The following DEFB124 variants were observed in gnomAD, a reference collection of about 807,000 sequenced individuals.
DEFB124 encodes the protein beta-defensin 124.
For missense variants in DEFB124, 78 were observed against 83.1 expected (o/e 0.94, Z 0.24); for synonymous variants, 38 against 36.5 (o/e 1.04, Z -0.15).
At chr20:31,467,744 C>A (rs949620678) in intron 2 of DEFB124, among the ~76,000 whole-genome samples, 1 of 151,938 alleles carries the variant, frequency 6.6e-6, no homozygotes, top group Non-Finnish European at 1.5e-5. Context: ...CAGGTGAGGA[C>A]ACTTTCTATA....
At chr20:31,473,149 G>T in intron 1 of DEFB124, 111 bp from the exon 2 acceptor site, 1 of 910,006 alleles carries the variant, frequency 1.1e-6, no homozygotes, top group East Asian at 2.5e-5. Flanking sequence ...GGCCTAAGTG[G>T]GAGTATGAGG....
At chr20:31,468,796 T>C (rs1980148852) in intron 2 of DEFB124, among the ~76,000 whole-genome samples, 1 of 152,058 alleles carries the variant, frequency 6.6e-6, no homozygotes, top group African/African-American at 2.4e-5. Context: ...TACTATTTAT[T>C]TCTTATTTCT....
At chr20:31,469,452 A>G (rs1383815399) in intron 2 of DEFB124, among the ~76,000 whole-genome samples, 4 of 150,938 alleles carry the variant, frequency 2.7e-5, no homozygotes, top group Admixed American at 2.6e-4. Flanking sequence ...TTTTTTTTTT[A>G]ATTTTTATTT....
chr20:31,465,703 G>T, intron 2 of DEFB124, 40 bp from the exon 3 acceptor site: 1 of 1,606,596 alleles, frequency 6.2e-7, no homozygotes, highest in East Asian at 2.2e-5. Flanking sequence ...GCAGCCCATG[G>T]GTCACACGTT....
In DEFB124 at chr20:31,467,719, C is replaced by T. The variant is rs187457125; in HGVS notation, c.59-2056G>A. Among the ~76,000 whole-genome samples the T allele has an allele frequency of 3.9e-5, 6 of 152,148 alleles. No individual in the cohort carries two copies. The East Asian group carries it at 5.8e-4, about 15-fold the overall frequency. On this transcript the variant is annotated intron_variant, in intron 2 of 2. Coordinates refer to ENST00000317676, the MANE Select transcript of DEFB124 (RefSeq NM_001037500.2). ...AAGTGGTGGGTCTGGAACCGGAACC[C>T]GAGACCCTAGCTCCCAGGTGAGGAC...
intron 2 of DEFB124, among the ~76,000 whole-genome samples, chr20:31,469,057 C>T (rs544995759): frequency 3.3e-4 from 50 of 152,246 alleles, no homozygotes; most frequent in African/African-American, 1.2e-3. Context: ...TAAAACTCAC[C>T]TTATTTATTT....
intron 2 of DEFB124, among the ~76,000 whole-genome samples, chr20:31,470,455 C>G (rs1241722333): frequency 2.2e-5 from 3 of 136,222 alleles, no homozygotes; most frequent in African/African-American, 8.5e-5. Flanking sequence ...CCCTCCCGGA[C>G]GGGGTGGCTG....
chr20:31,472,855 T>C (rs746158652), intron 2 of DEFB124, 101 bp downstream of exon 2: 6 of 1,420,338 alleles, frequency 4.2e-6, no homozygotes, highest in Non-Finnish European at 5.6e-6. Context: ...TAAATGCTGA[T>C]AGAGGCCCCT....
chr20:31,470,342 C>G (rs1485127760), intron 2 of DEFB124, among the ~76,000 whole-genome samples: 1 of 139,312 alleles, frequency 7.2e-6, no homozygotes, highest in Non-Finnish European at 1.6e-5. Context: ...GCAGAGGCGC[C>G]CCTCACCCCC....
At position 31,474,772 on chromosome 20, in the gene DEFB124, T is replaced by G. The variant is rs929510053; in HGVS notation, c.-171A>C. ...TTTTCATAATTCTTCAGTGCAGACT[T>G]CCTGAGCTCTCTCTTCCTCCAAGCC... On this transcript the variant is annotated 5_prime_UTR_variant, in exon 1 of 3. Coordinates refer to ENST00000317676, the MANE Select transcript of DEFB124 (RefSeq NM_001037500.2). Among the ~76,000 whole-genome samples the G allele has an allele frequency of 2.0e-5, 3 of 152,190 alleles. No homozygotes were observed. The highest frequency in any genetic ancestry group is 7.2e-5 in the African/African-American group (3 of 41,444).
chr20:31,470,199 G>A (rs1168625442), intron 2 of DEFB124, among the ~76,000 whole-genome samples: 2 of 144,304 alleles, frequency 1.4e-5, no homozygotes, highest in East Asian at 2.1e-4. Flanking sequence ...CTGGCCGGGC[G>A]GGGGGCTGAC....
chr20:31,471,355 CGGG>C (rs559914056), intron 2 of DEFB124, among the ~76,000 whole-genome samples: 1 of 5,222 alleles, frequency 1.9e-4, no homozygotes, highest in Non-Finnish European at 3.8e-4. Context: ...GCTGGCCGGG[CGGG>C]GGCTGACCCC....
At chr20:31,469,773 A>ACC (rs1247802239) in intron 2 of DEFB124, among the ~76,000 whole-genome samples, 2 of 150,068 alleles carry the variant, frequency 1.3e-5, no homozygotes, top group African/African-American at 5.0e-5. Flanking sequence ...GGGTAAGGTC[A>ACC]CCGATCGACA....
At chr20:31,472,692 T>C in intron 2 of DEFB124, 1 of 431,110 alleles carries the variant, frequency 2.3e-6, no homozygotes, top group Non-Finnish European at 4.1e-6. Context: ...CTTTCACTGC[T>C]ACATGTCTTT....
chr20:31,471,505 C>T (rs1163370314), intron 2 of DEFB124, among the ~76,000 whole-genome samples: 1 of 144,466 alleles, frequency 6.9e-6, no homozygotes, highest in Non-Finnish European at 1.5e-5. Flanking sequence ...ACCCCCCCAC[C>T]TCCCTCCCGG....
intron 2 of DEFB124, among the ~76,000 whole-genome samples, chr20:31,468,618 G>A (rs1487255350): frequency 6.6e-6 from 1 of 151,936 alleles, no homozygotes; most frequent in Non-Finnish European, 1.5e-5. Flanking sequence ...TGGGATTACA[G>A]GCGCCCACCA....
rs1568755829 is a variant in DEFB124, at chr20:31,465,509, C to T, written c.213G>A (p.Glu71=). ...TTTATTGGACAGCAGGAACCAGCTA[C>T]TCATATTCATGCTTGGGGACCGGTG... ...KPPPVPKHEY[E] The change falls in exon 3 of 3, where the codon GAG becomes GAA. Residue 71 remains glutamate, a synonymous_variant. Coordinates refer to ENST00000317676, the MANE Select transcript of DEFB124 (RefSeq NM_001037500.2). 1.2e-6 allele frequency: 2 copies of T among 1,614,102 alleles called. No individual in the cohort carries two copies. The highest frequency in any genetic ancestry group is 2.2e-5 in the East Asian group (1 of 44,888).
chr20:31,470,700 G>T (rs1980244591), intron 2 of DEFB124, among the ~76,000 whole-genome samples: 1 of 140,550 alleles, frequency 7.1e-6, no homozygotes, highest in Non-Finnish European at 1.6e-5. Flanking sequence ...TGGCTGGGCG[G>T]GGGGCTGACT....
chr20:31,466,525 G>T (rs1329507115), intron 2 of DEFB124, among the ~76,000 whole-genome samples: 1 of 150,668 alleles, frequency 6.6e-6, no homozygotes, highest in Non-Finnish European at 1.5e-5. Context: ...GCTTGAACCC[G>T]GAAGGCGGAG....
Sources: gnomAD v4.1 joint callset for allele counts (sites outside exome capture counted in the v4.1 genomes callset) on GRCh38, gnomAD v4.1.1 for gene constraint, MANE v1.5 for transcripts, NCBI Gene and HGNC (gene_info 2026-07-23, HGNC 2026-07-21) for gene names.